TCF4: variants seen among roughly 807,000 people sequenced by gnomAD.
The protein encoded by TCF4 is SL3-3 enhancer factor 2.
Under a neutral mutation model 82.1 loss-of-function variants are expected in TCF4, and 3 were observed. That is an observed-to-expected ratio of 0.04 (90% CI 0.02 to 0.09). The LOEUF (loss-of-function observed/expected upper bound fraction) is 0.09, where lower values mean the gene tolerates loss of function less well. Among genes scored for constraint, TCF4 ranks in the 10% least tolerant of loss-of-function variants. The pLI is 1.00. For synonymous variants in TCF4, 276 were observed against 309.6 expected, an observed-to-expected ratio of 0.89 and a Z score of 1.14; for missense variants, 518 against 852.7, an observed-to-expected ratio of 0.61 and a Z score of 4.89.
intron 3 of TCF4, among the ~76,000 whole-genome samples, chr18:55,465,271 A>AT (rs1241251939): frequency 6.6e-6 from 1 of 152,110 alleles, no homozygotes; most frequent in African/African-American, 2.4e-5. Context: ...TCCTTTTATT[A>AT]TTACTGCTAT....
At chr18:55,591,177 C>A (rs1027648797), upstream of TCF4, 71 of 152,220 alleles carry the variant, frequency 4.7e-4, no homozygotes, top group African/African-American at 1.7e-3. Context: ...TACATTCACA[C>A]ATGGTGAAGA....
intron 12 of TCF4, 156 bp downstream of exon 12, chr18:55,261,310 C>T (rs953070939): frequency 2.2e-6 from 2 of 894,304 alleles, no homozygotes; most frequent in Admixed American, 3.5e-5. Flanking sequence ...TCAGAGCCTT[C>T]TCAAATTTTC....
At chr18:55,279,858 C>T (rs976699343) in intron 8 of TCF4, among the ~76,000 whole-genome samples, 1 of 152,110 alleles carries the variant, frequency 6.6e-6, no homozygotes, top group Non-Finnish European at 1.5e-5. Flanking sequence ...TGTATTTGTG[C>T]GAACAGAAAA....
chr18:55,588,764 G>C, upstream of TCF4: 2 of 1,185,708 alleles, frequency 1.7e-6, no homozygotes, highest in East Asian at 3.2e-5. Flanking sequence ...GTAGTTTTGC[G>C]TTGGGGGCGA....
chr18:55,490,353 T>C (rs1023915902), intron 3 of TCF4, among the ~76,000 whole-genome samples: 5 of 152,174 alleles, frequency 3.3e-5, no homozygotes, highest in African/African-American at 1.2e-4. Flanking sequence ...GAGGCACATA[T>C]TTCTGAACTC....
chr18:55,430,350 C>G (rs1183737622), intron 5 of TCF4, among the ~76,000 whole-genome samples: 1 of 152,206 alleles, frequency 6.6e-6, no homozygotes, highest in African/African-American at 2.4e-5. Context: ...CACCTTTTAG[C>G]TCTCATCCAG....
At chr18:55,277,570 A>T (rs1367725811) in intron 9 of TCF4, among the ~76,000 whole-genome samples, 1 of 151,960 alleles carries the variant, frequency 6.6e-6, no homozygotes, top group Non-Finnish European at 1.5e-5. Context: ...GATGTGTGCA[A>T]ATTAATTGTG....
chr18:55,511,406 T>C (rs2096828172), intron 3 of TCF4, among the ~76,000 whole-genome samples: 1 of 149,610 alleles, frequency 6.7e-6, no homozygotes, highest in South Asian at 2.1e-4. Context: ...TTTAATAAGG[T>C]ATATGTTTTC....
chr18:55,229,051 G>A lies in TCF4; in HGVS notation c.1675C>T (p.Pro559Ser). 1 of 1,614,118 alleles carries A rather than the reference G, an allele frequency of 6.2e-7. No individual in the cohort carries two copies. Among genetic ancestry groups the A allele is most frequent in the Non-Finnish European group, 8.5e-7 (1 of 1,180,022 alleles). The change falls in exon 18 of 20, where the codon CCA becomes TCA. Residue 559 changes from proline to serine, a missense_variant. Transcript: ENST00000354452. ...TTCTCACGCTCTGCCTTCTGCTCTG[G>A]TGTCAGGTCCTCATCGTCATTATTG... ...SSNNDDEDLT[P>S]EQKAEREKER...
At chr18:55,486,228 G>T (rs553359941) in intron 3 of TCF4, among the ~76,000 whole-genome samples, 11 of 152,332 alleles carry the variant, frequency 7.2e-5, no homozygotes, top group Non-Finnish European at 1.3e-4. Context: ...TAAACACCAA[G>T]GGATTGTTAC....
At chr18:55,253,172 C>T (rs539032988) in intron 15 of TCF4, among the ~76,000 whole-genome samples, 5 of 152,096 alleles carry the variant, frequency 3.3e-5, no homozygotes, top group Admixed American at 2.6e-4. Flanking sequence ...AATACTACAC[C>T]GTTCAGAATG....
intron 16 of TCF4, 73 bp from the exon 17 acceptor site, chr18:55,232,744 C>T: frequency 1.3e-6 from 2 of 1,561,930 alleles, no homozygotes; most frequent in Non-Finnish European, 1.8e-6. Flanking sequence ...GCAAGGCTGC[C>T]AGCAGACAAT....
intron 8 of TCF4, among the ~76,000 whole-genome samples, chr18:55,312,088 C>T (rs2072656977): frequency 6.6e-6 from 1 of 152,292 alleles, no homozygotes; most frequent in South Asian, 2.1e-4. Context: ...GTTGTCTATA[C>T]ATAATTCCAC....
intron 8 of TCF4, among the ~76,000 whole-genome samples, chr18:55,291,222 G>A (rs2065021560): frequency 6.6e-6 from 1 of 152,160 alleles, no homozygotes; most frequent in Non-Finnish European, 1.5e-5. Context: ...TCAGAAGTTA[G>A]CACTTGACCA....
chr18:55,394,257 C>A (rs2093353386), intron 6 of TCF4, among the ~76,000 whole-genome samples: 1 of 152,132 alleles, frequency 6.6e-6, no homozygotes, highest in Non-Finnish European at 1.5e-5. Context: ...CAGTAAAACC[C>A]CAACACACAG....
chr18:55,313,945 C>A (rs140422723), intron 8 of TCF4, among the ~76,000 whole-genome samples: 6 of 152,206 alleles, frequency 3.9e-5, no homozygotes, highest in South Asian at 4.2e-4. Context: ...TTCCCTCCCC[C>A]CCTTACAAAT....
intron 3 of TCF4, among the ~76,000 whole-genome samples, chr18:55,500,126 G>A (rs2096681321): frequency 6.6e-6 from 1 of 152,160 alleles, no homozygotes; most frequent in African/African-American, 2.4e-5. Flanking sequence ...AGGCTACAGT[G>A]AGCCAAGATT....
chr18:55,403,688 G>A, intron 5 of TCF4, 170 bp from the exon 6 acceptor site: 2 of 1,551,460 alleles, frequency 1.3e-6, no homozygotes, highest in East Asian at 2.4e-5. Flanking sequence ...CTCTGGCTAT[G>A]ATAAACTGGA....
Position 55,270,554 on chromosome 18 carries a change from T to G in TCF4, c.790-591A>C, listed in dbSNP as rs576992522. Among the ~76,000 whole-genome samples the G allele has an allele frequency of 1.4e-3, 211 of 152,282 alleles. 1 individual carries two copies. The highest frequency in any genetic ancestry group is 4.8e-3 in the African/African-American group (200 of 41,570). On this transcript the variant is annotated intron_variant, in intron 10 of 19. Transcript: ENST00000354452. ...TACTCATCAATATGTAACTATTGAC[T>G]ATACTGAATTAAATTAGGACCACAT...
Sources: gnomAD v4.1 joint callset for allele counts (sites outside exome capture counted in the v4.1 genomes callset) on GRCh38, gnomAD v4.1.1 for gene constraint, MANE v1.5 for transcripts, NCBI Gene and HGNC (gene_info 2026-07-23, HGNC 2026-07-21) for gene names.